Variants in IL34 observed in about 807,000 individuals in gnomAD.
IL34 encodes the protein interleukin-34.
In IL34, 17 loss-of-function variants were observed where a neutral mutation model predicts 25.3. The ratio of observed to expected loss-of-function variants is 0.67; its 90% confidence interval spans 0.46 to 1.01. The LOEUF (loss-of-function observed/expected upper bound fraction) is 1.01, where lower values mean the gene tolerates loss of function less well. Among genes scored for constraint, IL34 ranks in the 50% least tolerant of loss-of-function variants. The pLI is 0.00. For missense variants in IL34, 368 were observed against 312.9 expected, an observed-to-expected ratio of 1.18 and a Z score of -1.33; for synonymous variants, 174 against 140.9, an observed-to-expected ratio of 1.23 and a Z score of -1.66.
At chr16:70,658,916 C>T (rs2052305959) in intron 4 of IL34, among the ~76,000 whole-genome samples, 1 of 152,204 alleles carries the variant, frequency 6.6e-6, no homozygotes, top group Non-Finnish European at 1.5e-5. Context: ...TGCAAAGAAC[C>T]TATTTCCAAA....
At chr16:70,659,523 G>C (rs2151888004) in intron 4 of IL34, 95 bp from the exon 5 acceptor site, 1 of 1,439,992 alleles carries the variant, frequency 6.9e-7, no homozygotes, top group East Asian at 2.4e-5. Flanking sequence ...CTTCTTCCGG[G>C]GTTTGGGCAG....
intron 1 of IL34, among the ~76,000 whole-genome samples, chr16:70,612,658 C>T (rs1597746562): frequency 6.6e-6 from 1 of 152,210 alleles, no homozygotes; most frequent in East Asian, 1.9e-4. Context: ...GACTTTTTGA[C>T]AGGTATAAAG....
chr16:70,653,371 CAACCCAA>C (rs2052130183), intron 1 of IL34, among the ~76,000 whole-genome samples: 1 of 140,530 alleles, frequency 7.1e-6, no homozygotes, highest in Non-Finnish European at 1.5e-5. Context: ...AAAGCCCCAA[CAACCCAA>C]AACCACAAAC....
intron 1 of IL34, among the ~76,000 whole-genome samples, chr16:70,629,497 A>G (rs925093726): frequency 1.3e-5 from 2 of 152,188 alleles, no homozygotes; most frequent in Non-Finnish European, 2.9e-5. Context: ...CAGGTCCCTT[A>G]TGTAAAATGG....
chr16:70,612,880 G>A (rs967891819), intron 1 of IL34, among the ~76,000 whole-genome samples: 5 of 152,268 alleles, frequency 3.3e-5, no homozygotes, highest in East Asian at 3.9e-4. Context: ...CTGCCTCCCC[G>A]GTTAAAGCGA....
At chr16:70,642,082 A>C (rs573058926), upstream of IL34, among the ~76,000 whole-genome samples, 1 of 152,258 alleles carries the variant, frequency 6.6e-6, no homozygotes, top group East Asian at 1.9e-4. Flanking sequence ...GGCTTAAACA[A>C]CAGAAATCTG....
chr16:70,615,804 T>G (rs1431604779), intron 1 of IL34, among the ~76,000 whole-genome samples: 1 of 151,966 alleles, frequency 6.6e-6, no homozygotes, highest in Non-Finnish European at 1.5e-5. Context: ...ATACAAAAAA[T>G]TAGCTGAGTG....
At chr16:70,629,160 C>G (rs964597664) in intron 1 of IL34, among the ~76,000 whole-genome samples, 1 of 152,146 alleles carries the variant, frequency 6.6e-6, no homozygotes, top group African/African-American at 2.4e-5. Flanking sequence ...GAAATAACTT[C>G]ACCTCCTCCT....
At chr16:70,633,792 T>C (rs1212653652) in intron 1 of IL34, among the ~76,000 whole-genome samples, 1 of 152,128 alleles carries the variant, frequency 6.6e-6, no homozygotes, top group African/African-American at 2.4e-5. Flanking sequence ...TTCCTGGTGC[T>C]GTGTGGCCTG....
chr16:70,640,841 G>T (rs2051764959), intron 1 of IL34, among the ~76,000 whole-genome samples: 1 of 152,004 alleles, frequency 6.6e-6, no homozygotes, highest in Non-Finnish European at 1.5e-5. Flanking sequence ...CCCCTTCTCA[G>T]TCAATCCCCT....
At chr16:70,587,084 G>A (rs755401813) in intron 1 of IL34, among the ~76,000 whole-genome samples, 5 of 152,154 alleles carry the variant, frequency 3.3e-5, no homozygotes, top group Non-Finnish European at 7.3e-5. Context: ...GGATCCAGGG[G>A]CTGGGGTTAG....
At chr16:70,619,334 C>T (rs866852604) in intron 1 of IL34, among the ~76,000 whole-genome samples, 240 of 151,200 alleles carry the variant, frequency 1.6e-3, no homozygotes, top group South Asian at 4.4e-3. Context: ...CAAGAGGAGA[C>T]GCAAAGGAGG....
intron 1 of IL34, among the ~76,000 whole-genome samples, chr16:70,631,315 T>A (rs1467273995): frequency 6.6e-6 from 1 of 152,178 alleles, no homozygotes; most frequent in Non-Finnish European, 1.5e-5. Context: ...TTTCCTGCAG[T>A]AAATTATTGG....
At chr16:70,645,777 G>A (rs867114863), upstream of IL34, among the ~76,000 whole-genome samples, 4 of 152,162 alleles carry the variant, frequency 2.6e-5, no homozygotes, top group Non-Finnish European at 4.4e-5. Flanking sequence ...GTCCTGGCCG[G>A]GTGCGGTGGC....
chr16:70,611,557 G>C (rs990773575), intron 1 of IL34, among the ~76,000 whole-genome samples: 2 of 152,134 alleles, frequency 1.3e-5, no homozygotes, highest in South Asian at 4.1e-4. Context: ...GGGAGGCTGA[G>C]GCAGGTGGAT....
chr16:70,595,436 T>A (rs991306432), intron 1 of IL34, among the ~76,000 whole-genome samples: 6 of 152,118 alleles, frequency 3.9e-5, no homozygotes, highest in Non-Finnish European at 8.8e-5. Context: ...TCCTCCTGCC[T>A]CAGCCTCTCG....
intron 1 of IL34, among the ~76,000 whole-genome samples, chr16:70,585,463 C>T (rs1395989336): frequency 6.6e-6 from 1 of 151,950 alleles, no homozygotes; most frequent in Non-Finnish European, 1.5e-5. Flanking sequence ...GAGGCCGAGG[C>T]AGATGGATTA....
chr16:70,617,663 C>T (rs2051194071), intron 1 of IL34, among the ~76,000 whole-genome samples: 1 of 152,062 alleles, frequency 6.6e-6, no homozygotes, highest in African/African-American at 2.4e-5. Flanking sequence ...AAGTTGGTGG[C>T]TGAGCTTGGT....
intron 1 of IL34, among the ~76,000 whole-genome samples, chr16:70,589,313 G>C (rs886912972): frequency 6.6e-6 from 1 of 152,066 alleles, no homozygotes; most frequent in African/African-American, 2.4e-5. Flanking sequence ...GCAAACTCAT[G>C]GGGGTTTGTT....
Sources: gnomAD v4.1 joint callset for allele counts (sites outside exome capture counted in the v4.1 genomes callset) on GRCh38, gnomAD v4.1.1 for gene constraint, MANE v1.5 for transcripts, NCBI Gene and HGNC (gene_info 2026-07-23, HGNC 2026-07-21) for gene names.